The following LAMC3 variants were observed in gnomAD, a reference collection of about 807,000 sequenced individuals.
The protein encoded by LAMC3 is laminin subunit gamma 3.
Under a neutral mutation model 173.8 loss-of-function variants are expected in LAMC3, and 128 were observed. That is an observed-to-expected ratio of 0.74 (90% CI 0.64 to 0.85). The LOEUF is 0.85. Among genes scored for constraint, LAMC3 ranks in the 40% least tolerant of loss-of-function variants. The probability of loss-of-function intolerance (pLI) is 0.00; values close to 1 mark genes in which losing one functional copy is unlikely to be tolerated. For synonymous variants in LAMC3, 897 were observed against 909.1 expected (o/e 0.99, Z 0.24); for missense variants, 2,022 against 2,156.0 (o/e 0.94, Z 1.23).
intron 13 of LAMC3, among the ~76,000 whole-genome samples, chr9:131,066,606 G>A (rs893902833): frequency 9.2e-5 from 14 of 152,058 alleles, no homozygotes; most frequent in African/African-American, 3.1e-4. Flanking sequence ...TGATGATGAG[G>A]GTGTGAGGAC....
At chr9:131,062,746 G>A (rs763431934) in intron 13 of LAMC3, among the ~76,000 whole-genome samples, 3 of 151,938 alleles carry the variant, frequency 2.0e-5, no homozygotes, top group Non-Finnish European at 4.4e-5. Flanking sequence ...GCAGGCACCT[G>A]TAATCCCAGC....
At position 131,049,093 on chromosome 9, in the gene LAMC3, C is replaced by T; in HGVS notation, c.1593C>T (p.Leu531=). The change falls in exon 9 of 28, where the codon CTC becomes CTT. Residue 531 remains leucine, a synonymous_variant. Coordinates refer to ENST00000361069, the MANE Select transcript of LAMC3 (RefSeq NM_006059.4). ...HPPQWSPNGV[L]LSPEDEEELT... is the part of the protein sequence containing the mutation. ...CACAATGGAGCCCAAATGGGGTCCTCCTGAGCCCAGAAGACGAGGAGGAGC... is the reference window on the plus strand; with the variant it reads ...CACAATGGAGCCCAAATGGGGTCCTTCTGAGCCCAGAAGACGAGGAGGAGC... 1 of 1,551,994 alleles carries T rather than the reference C, an allele frequency of 6.4e-7. No individual in the cohort carries two copies. Among genetic ancestry groups the T allele is most frequent in the East Asian group, 2.4e-5 (1 of 40,954 alleles).
chr9:131,025,029 G>A (rs922053509), intron 1 of LAMC3, among the ~76,000 whole-genome samples: 3 of 152,084 alleles, frequency 2.0e-5, no homozygotes, highest in African/African-American at 7.2e-5. Flanking sequence ...AGGCAGTGGG[G>A]AAATTGCCTT....
At chr9:131,084,959 G>T (rs1830305277) in intron 24 of LAMC3, among the ~76,000 whole-genome samples, 1 of 148,928 alleles carries the variant, frequency 6.7e-6, no homozygotes, top group African/African-American at 2.5e-5. Flanking sequence ...AAAAAAAAGA[G>T]AATTGTAACA....
intron 13 of LAMC3, among the ~76,000 whole-genome samples, chr9:131,062,763 G>A (rs774170207): frequency 1.1e-3 from 170 of 152,036 alleles, no homozygotes; most frequent in Non-Finnish European, 1.7e-3. Flanking sequence ...CAGCTACTCG[G>A]GAGGCTGAGA....
intron 13 of LAMC3, among the ~76,000 whole-genome samples, chr9:131,062,877 T>TA (rs760536917): frequency 0.016 from 2,078 of 132,306 alleles, 46 homozygotes; most frequent in African/African-American, 0.049. Flanking sequence ...TCAAAAAAAT[T>TA]AAAAAAAAAA....
intron 6 of LAMC3, among the ~76,000 whole-genome samples, chr9:131,040,920 C>G (rs1322665054): frequency 6.6e-6 from 1 of 152,020 alleles, no homozygotes; most frequent in African/African-American, 2.4e-5. Flanking sequence ...CTGGGATTCA[C>G]CAGGGAGGAA....
At chr9:131,077,994 C>T (rs984130773) in intron 22 of LAMC3, among the ~76,000 whole-genome samples, 1 of 152,152 alleles carries the variant, frequency 6.6e-6, no homozygotes, top group Non-Finnish European at 1.5e-5. Context: ...CTTCCTGAGC[C>T]TCAGTCTGTC....
Position 131,087,510 on chromosome 9 carries a change from C to G in LAMC3, c.4265C>G (p.Ala1422Gly), listed in dbSNP as rs769198717. 6.2e-7 allele frequency: 1 copy of G among 1,613,810 alleles called. No individual in the cohort carries two copies. The highest frequency in any genetic ancestry group is 1.1e-5 in the South Asian group (1 of 91,090). Reference protein sequence around the residue: ...AKALLRERKQAHRRASRLTSQ... With the variant: ...AKALLRERKQGHRRASRLTSQ... The stretch of plus-strand genomic sequence containing the variant: ...GCCTTGCTGAGGGAGCGGAAACAGG[C>G]GCACCGCCGTGCCAGCAGGCTCACC... Residue 1422 changes from alanine (A) to glycine (G), a missense_variant, in exon 26 of 28, where the codon GCG (alanine) becomes GGG (glycine). Transcript: ENST00000361069.
intron 1 of LAMC3, among the ~76,000 whole-genome samples, chr9:131,025,478 G>A (rs373510950): frequency 1.3e-5 from 2 of 152,130 alleles, no homozygotes; most frequent in Non-Finnish European, 2.9e-5. Context: ...GCATGTGGGG[G>A]AGTGGGGCTA....
chr9:131,039,106 T>C (rs751405909), intron 5 of LAMC3, 25 bp from the exon 6 acceptor site: 7 of 1,611,732 alleles, frequency 4.3e-6, no homozygotes, highest in East Asian at 2.2e-5. Flanking sequence ...CTGGCCTCAA[T>C]TGCCCTGTGC....
intron 19 of LAMC3, 79 bp from the exon 20 acceptor site, chr9:131,073,166 C>T: frequency 9.2e-7 from 1 of 1,083,550 alleles, no homozygotes; most frequent in South Asian, 1.2e-5. Flanking sequence ...TCCAGTTCTG[C>T]CTCACAATTG....
At chr9:131,043,701 T>A (rs951042715) in intron 7 of LAMC3, among the ~76,000 whole-genome samples, 1 of 152,150 alleles carries the variant, frequency 6.6e-6, no homozygotes, top group African/African-American at 2.4e-5. Context: ...TTCCAAGTAA[T>A]GAATGTAGAA....
At position 131,069,752 on chromosome 9, in the gene LAMC3, G is replaced by C; in HGVS notation, c.2971G>C (p.Gly991Arg). ...GTCVCRPGFE[G>R]YKCDRCHDNF... ...ATGCGTGTGCAGGCCTGGCTTCGAG[G>C]GCTACAAATGTGACCGCTGCCACGA... The change falls in exon 17 of 28, where the codon GGC becomes CGC. Residue 991 changes from glycine (G) to arginine (R), a missense_variant. Gly to Arg is a moderately radical substitution (Grantham distance 125, BLOSUM62 -2). Coordinates refer to ENST00000361069, the MANE Select transcript of LAMC3 (RefSeq NM_006059.4). The C allele has an allele frequency of 6.3e-7, 1 of 1,598,942 alleles. No individual in the cohort carries two copies. The highest frequency in any genetic ancestry group is 1.7e-5 in the Admixed American group (1 of 57,794).
At chr9:131,044,890 T>C (rs1200666065) in intron 7 of LAMC3, among the ~76,000 whole-genome samples, 1 of 152,174 alleles carries the variant, frequency 6.6e-6, no homozygotes, top group Non-Finnish European at 1.5e-5. Flanking sequence ...GATGGGATCC[T>C]GCAGCAGAAA....
chr9:131,028,635 A>G (rs1833771723), intron 2 of LAMC3, among the ~76,000 whole-genome samples: 1 of 152,154 alleles, frequency 6.6e-6, no homozygotes, highest in Non-Finnish European at 1.5e-5. Context: ...AATTTTTTGC[A>G]ATGAAAGGCT....
At chr9:131,047,489 A>C (rs1481897611) in intron 8 of LAMC3, among the ~76,000 whole-genome samples, 1 of 149,712 alleles carries the variant, frequency 6.7e-6, no homozygotes, top group African/African-American at 2.5e-5. Context: ...TATGCTCTTG[A>C]AAATTATTGA....
At chr9:131,057,175 G>A (rs1227775266) in intron 12 of LAMC3, 28 bp downstream of exon 12, 1 of 1,594,290 alleles carries the variant, frequency 6.3e-7, no homozygotes, top group Admixed American at 1.7e-5. Context: ...CCATCCGAAG[G>A]CACCTGGGTT....
chr9:131,043,734 G>A (rs1174222676), intron 7 of LAMC3, among the ~76,000 whole-genome samples: 1 of 152,208 alleles, frequency 6.6e-6, no homozygotes, highest in Non-Finnish European at 1.5e-5. Context: ...GAAAACCACT[G>A]TTCAGACCTC....
Sources: gnomAD v4.1 joint callset for allele counts (sites outside exome capture counted in the v4.1 genomes callset) on GRCh38, gnomAD v4.1.1 for gene constraint, MANE v1.5 for transcripts, NCBI Gene and HGNC (gene_info 2026-07-23, HGNC 2026-07-21) for gene names.